Variants in AHDC1 observed in about 807,000 individuals in gnomAD.
The protein encoded by AHDC1 is AT-hook DNA binding motif containing 1, also known as transcription factor Gibbin.
AHDC1 carries 7 observed loss-of-function variants against 87.9 expected under a neutral mutation model. That is an observed-to-expected ratio of 0.08 (90% CI 0.05 to 0.15). AHDC1 has a LOEUF of 0.15. AHDC1 is among the 10% of genes least tolerant of loss of function. AHDC1 has a pLI of 1.00. For missense variants in AHDC1, 1,841 were observed against 2,253.2 expected, an observed-to-expected ratio of 0.82 and a Z score of 3.70; for synonymous variants, 1,051 against 1,006.8, an observed-to-expected ratio of 1.04 and a Z score of -0.83.
At chr1:27,569,565 T>A (rs2148389456) in intron 3 of AHDC1, among the ~76,000 whole-genome samples, 1 of 152,244 alleles carries the variant, frequency 6.6e-6, no homozygotes, top group South Asian at 2.1e-4. Flanking sequence ...GCTGTCACAG[T>A]CTAGTACCAG....
chr1:27,580,457 G>T (rs371894168), intron 3 of AHDC1, among the ~76,000 whole-genome samples: 9 of 152,158 alleles, frequency 5.9e-5, no homozygotes, highest in Middle Eastern at 6.8e-3. Flanking sequence ...CTATCTCCAC[G>T]GCTTTCTTTG....
chr1:27,573,248 GC>G (rs1200585865), intron 3 of AHDC1, among the ~76,000 whole-genome samples: 2 of 152,208 alleles, frequency 1.3e-5, no homozygotes, highest in Non-Finnish European at 2.9e-5. Context: ...GCTAGAAGGT[GC>G]CTTAGGGAGC....
intron 3 of AHDC1, among the ~76,000 whole-genome samples, chr1:27,570,485 G>A (rs143577860): frequency 1.3e-3 from 194 of 152,184 alleles, no homozygotes; most frequent in Non-Finnish European, 2.2e-3. Context: ...CCCCGCCCAG[G>A]TCTCTTTCTA....
intron 3 of AHDC1, among the ~76,000 whole-genome samples, chr1:27,594,054 T>C (rs1021806690): frequency 1.4e-4 from 22 of 152,154 alleles, no homozygotes; most frequent in Non-Finnish European, 2.6e-4. Context: ...CCAGTCCTAA[T>C]GCAGGCAGAA....
rs2019226046 is a variant in AHDC1, at chr1:27,547,442, G to C, written c.4674C>G (p.Pro1558=). The C allele has an allele frequency of 2.5e-6, 4 of 1,588,976 alleles. No individual in the cohort carries two copies. The highest frequency in any genetic ancestry group is 8.6e-7 in the Non-Finnish European group (1 of 1,162,594). The change falls in exon 8 of 9, where the codon CCC becomes CCG. Residue 1558 remains proline (P), a synonymous_variant. Coordinates refer to ENST00000673934, the MANE Select transcript of AHDC1 (RefSeq NM_001371928.1). The surrounding 1 kb of genome is among the most constrained non-coding windows in gnomAD (Gnocchi z 4.9). The part of the protein sequence containing the change: ...LSPVPRDSLL[P]LQDTAYRYPG... The stretch of plus-strand genomic sequence containing the variant: ...GGTACCTGTAGGCGGTGTCCTGCAG[G>C]GGCAGCAGCGAGTCCCTCGGCACGG...
In AHDC1 at chr1:27,552,069, C is replaced by G; in HGVS notation, c.47G>C (p.Cys16Ser). Residue 16 changes from cysteine to serine, a missense_variant, in exon 8 of 9, where the codon TGC becomes TCC. By Grantham distance (112) the Cys-to-Ser change is moderately radical. Transcript: ENST00000673934. The part of the protein sequence containing the change: ...QGLVVTSSAV[C>S]SSPDYLREPK... The stretch of plus-strand genomic sequence containing the variant: ...TTCCCGGAGGTAGTCAGGAGAGCTG[C>G]ACACGGCACTGGAAGTCACCACCAG... 6.7e-7 allele frequency: 1 copy of G among 1,498,498 alleles called. No individual in the cohort carries two copies. Among genetic ancestry groups the G allele is most frequent in the Non-Finnish European group, 8.9e-7 (1 of 1,124,432 alleles). The allele number at this position is 1,498,498 out of a possible 1,614,324, so 92.8% of individuals were successfully genotyped here.
chr1:27,536,751 G>C (rs1221611465), intron 8 of AHDC1, among the ~76,000 whole-genome samples: 1 of 152,040 alleles, frequency 6.6e-6, no homozygotes, highest in Non-Finnish European at 1.5e-5. Context: ...CTTTAGGATG[G>C]GCTGCTCCAA....
chr1:27,549,496 G>C lies in AHDC1; in HGVS notation c.2620C>G (p.Pro874Ala), dbSNP rs1187924001. 3.1e-6 allele frequency: 5 copies of C among 1,613,120 alleles called. No individual in the cohort carries two copies. Among genetic ancestry groups the C allele is most frequent in the Non-Finnish European group, 4.2e-6 (5 of 1,179,958 alleles). The change falls in exon 8 of 9, where the codon CCA becomes GCA. Residue 874 changes from proline to alanine, a missense_variant. Pro to Ala is a conservative substitution (Grantham distance 27). Coordinates refer to ENST00000673934, the MANE Select transcript of AHDC1 (RefSeq NM_001371928.1). ...TGGGCAGGCAGGGCACTGGTGGGTG[G>C]CCCTGCATAGGTGCCCGATGCCTTC... Reference protein sequence around the residue: ...SRKASGTYAGPPTSALPAQRG... With the variant: ...SRKASGTYAGAPTSALPAQRG...
intron 3 of AHDC1, among the ~76,000 whole-genome samples, chr1:27,588,431 T>C (rs1010238470): frequency 3.3e-5 from 5 of 152,146 alleles, no homozygotes; most frequent in Non-Finnish European, 5.9e-5. Context: ...AATGAATCAA[T>C]GAATGCTCTG....
rs1302421631 is a variant in AHDC1 at position 27,565,537 on chromosome 1, GACAA to G, written c.-628-6658_-628-6655del. Among the ~76,000 whole-genome samples, 10 of 152,206 alleles carry G rather than the reference GACAA, an allele frequency of 6.6e-5. No individual in the cohort carries two copies. Among genetic ancestry groups the G allele is most frequent in the South Asian group, 2.1e-4 (1 of 4,830 alleles). On this transcript the variant is annotated intron_variant, in intron 3 of 8. Coordinates refer to ENST00000673934, the MANE Select transcript of AHDC1 (RefSeq NM_001371928.1). This position sits in a 1 kb window ranked among gnomAD's most constrained non-coding sequence, Gnocchi z 4.6. Reference sequence around the variant, plus strand: ...GGACCCTGATTCCACCCATGCCCTGGACAAACATTCTGTCTGGTGTCCCCCGGCG... The same window carrying G: ...GGACCCTGATTCCACCCATGCCCTGGACATTCTGTCTGGTGTCCCCCGGCG...
chr1:27,580,060 G>A lies in AHDC1; in HGVS notation c.-628-21177C>T, dbSNP rs544320841. ...AGGACTCCTCTCTGGGATGGAAAGG[G>A]TGTCTCTACTTCTTAACTCCCCTAG... On this transcript the variant is annotated intron_variant, in intron 3 of 8. Coordinates refer to ENST00000673934, the MANE Select transcript of AHDC1 (RefSeq NM_001371928.1). 2.0e-5 allele frequency among the ~76,000 whole-genome samples: 3 copies of A among 152,288 alleles called. No homozygotes were observed. In the South Asian group the frequency reaches 6.2e-4, roughly 32 times the overall value.
At chr1:27,589,808 G>C (rs141852377) in intron 3 of AHDC1, among the ~76,000 whole-genome samples, 1 of 152,154 alleles carries the variant, frequency 6.6e-6, no homozygotes, top group Non-Finnish European at 1.5e-5. Flanking sequence ...GGGATCATTC[G>C]TCTTCCTGTC....
intron 3 of AHDC1, among the ~76,000 whole-genome samples, chr1:27,601,697 C>A (rs1208267087): frequency 1.3e-5 from 2 of 152,226 alleles, no homozygotes; most frequent in Non-Finnish European, 2.9e-5. Context: ...CCCCCACAAC[C>A]CAGCCTTCCT....
In AHDC1 at chr1:27,554,571, G is replaced by A. The variant is rs115656408; in HGVS notation, c.-224-1386C>T. On this transcript the variant is annotated intron_variant, in intron 5 of 8. Coordinates refer to ENST00000673934, the MANE Select transcript of AHDC1 (RefSeq NM_001371928.1). ...GCATGTCTGACTCCCAAAGAAGCCT[G>A]AGGACTCAGGGCCATGGCTGATCCC... Among the ~76,000 whole-genome samples the A allele has an allele frequency of 3.0e-3, 454 of 152,340 alleles. 3 individuals carry two copies. The highest frequency in any genetic ancestry group is 7.0e-3 in the South Asian group (34 of 4,826).
At chr1:27,546,839 G>C (rs962451687) in intron 8 of AHDC1, among the ~76,000 whole-genome samples, 1 of 152,100 alleles carries the variant, frequency 6.6e-6, no homozygotes, top group Non-Finnish European at 1.5e-5. Flanking sequence ...GTAGACGACC[G>C]TCCAACCTGC....
intron 3 of AHDC1, among the ~76,000 whole-genome samples, chr1:27,599,631 C>T (rs938109597): frequency 1.3e-5 from 2 of 152,198 alleles, no homozygotes; most frequent in African/African-American, 4.8e-5. Flanking sequence ...AAGTGGGGGG[C>T]GTCCAACTGG....
intron 3 of AHDC1, among the ~76,000 whole-genome samples, chr1:27,575,872 C>T (rs975224211): frequency 6.7e-6 from 1 of 150,330 alleles, no homozygotes; most frequent in African/African-American, 2.4e-5. Flanking sequence ...CAGGCCGGGC[C>T]CTCTGCTGCC....
chr1:27,543,213 CTCGAGAA>C (rs983850824), intron 8 of AHDC1, among the ~76,000 whole-genome samples: 1 of 152,236 alleles, frequency 6.6e-6, no homozygotes, highest in Admixed American at 6.5e-5. Context: ...GGGAGAGGGA[CTCGAGAA>C]TCCTGAACAC....
chr1:27,574,115 A>C (rs2088629298), intron 3 of AHDC1, among the ~76,000 whole-genome samples: 1 of 152,192 alleles, frequency 6.6e-6, no homozygotes, highest in Admixed American at 6.5e-5. Flanking sequence ...GTCAGCAAGG[A>C]GATGAGAGGA....
Sources: gnomAD v4.1 joint callset for allele counts (sites outside exome capture counted in the v4.1 genomes callset) on GRCh38, gnomAD v4.1.1 for gene constraint, Gnocchi (gnomAD v3.1) non-coding constraint, MANE v1.5 for transcripts, NCBI Gene and HGNC (gene_info 2026-07-23, HGNC 2026-07-21) for gene names.